Variants in TENM2 observed in about 807,000 individuals in gnomAD.
TENM2 encodes the protein teneurin transmembrane protein 2, also known as teneurin-2.
TENM2 carries 52 observed loss-of-function variants against 245.2 expected under a neutral mutation model. The ratio of observed to expected loss-of-function variants is 0.21; its 90% CI spans 0.17 to 0.27. The LOEUF is 0.27. TENM2 is among the 10% of genes least tolerant of loss of function. The pLI is 1.00. For missense variants in TENM2, 3,046 were observed against 3,666.8 expected (o/e 0.83, Z 4.37); for synonymous variants, 1,363 against 1,438.9 (o/e 0.95, Z 1.19).
intron 2 of TENM2, among the ~76,000 whole-genome samples, chr5:167,755,993 T>G (rs1020930965): frequency 6.6e-6 from 1 of 152,146 alleles, no homozygotes; most frequent in African/African-American, 2.4e-5. Flanking sequence ...GTTGCTCTCA[T>G]TTTATTAGGA....
chr5:167,597,180 T>C (rs1776283255), intron 2 of TENM2, among the ~76,000 whole-genome samples: 1 of 148,034 alleles, frequency 6.8e-6, no homozygotes, highest in African/African-American at 2.5e-5. Flanking sequence ...TTTTTTTTTT[T>C]TTGAGACAAA....
the TENM2 span, among the ~76,000 whole-genome samples, chr5:167,045,108 C>T: frequency 6.6e-6 from 1 of 151,938 alleles, no homozygotes; most frequent in Non-Finnish European, 1.5e-5. Context: ...CAGATGCAAG[C>T]CTGCATTTGA....
At chr5:167,747,111 G>A (rs1761642177) in intron 2 of TENM2, among the ~76,000 whole-genome samples, 1 of 152,136 alleles carries the variant, frequency 6.6e-6, no homozygotes, top group Non-Finnish European at 1.5e-5. Flanking sequence ...TGTGTCAGGA[G>A]CAGAAGGTGA....
At chr5:167,908,090 C>T (rs1183050696) in intron 3 of TENM2, among the ~76,000 whole-genome samples, 1 of 152,068 alleles carries the variant, frequency 6.6e-6, no homozygotes, top group Non-Finnish European at 1.5e-5. Context: ...GAGTTTTTGA[C>T]TAGAGCATTC....
intron 2 of TENM2, among the ~76,000 whole-genome samples, chr5:167,700,504 T>G (rs185755379): frequency 6.6e-6 from 1 of 152,242 alleles, no homozygotes; most frequent in Admixed American, 6.5e-5. Context: ...ATGAGATTGT[T>G]AAACGTTTAA....
the TENM2 span, among the ~76,000 whole-genome samples, chr5:167,080,607 G>A: frequency 6.6e-6 from 1 of 151,766 alleles, no homozygotes; most frequent in African/African-American, 2.4e-5. Flanking sequence ...CTTTCCTCGG[G>A]ATGCTAAAAT....
chr5:167,445,316 T>C (rs1030781996), intron 2 of TENM2, among the ~76,000 whole-genome samples: 1 of 22,674 alleles, frequency 4.4e-5, no homozygotes, highest in African/African-American at 2.2e-4. Context: ...TATGATTATA[T>C]ATATATATAT....
chr5:168,249,900 G>T (rs1766942300), intron 27 of TENM2, among the ~76,000 whole-genome samples: 1 of 152,030 alleles, frequency 6.6e-6, no homozygotes, highest in Non-Finnish European at 1.5e-5. Flanking sequence ...AGAAATTGGT[G>T]AAATAAGAGT....
chr5:167,172,755 C>T, the TENM2 span, among the ~76,000 whole-genome samples: 1 of 151,782 alleles, frequency 6.6e-6, no homozygotes, highest in Middle Eastern at 3.4e-3. Context: ...GCACGATAGG[C>T]ACATTCCACT....
intron 2 of TENM2, among the ~76,000 whole-genome samples, chr5:167,438,447 A>T (rs1388194224): frequency 6.6e-6 from 1 of 152,224 alleles, no homozygotes; most frequent in East Asian, 1.9e-4. Flanking sequence ...GCTGGAGTGC[A>T]GTGGCGCCAT....
intron 2 of TENM2, among the ~76,000 whole-genome samples, 188 bp downstream of exon 4, chr5:167,375,661 G>A (rs1049158928): frequency 6.6e-6 from 1 of 152,184 alleles, no homozygotes; most frequent in African/African-American, 2.4e-5. Context: ...AATGAGAAGA[G>A]AATTTAAAAA....
At chr5:168,261,917 C>T (rs1462600050) in intron 28 of TENM2, 132 bp from the exon 31 acceptor site, 1 of 846,652 alleles carries the variant, frequency 1.2e-6, no homozygotes, top group Non-Finnish European at 1.8e-6. Flanking sequence ...GGTAGGACTC[C>T]CAACAGCTCA....
chr5:167,516,145 A>G (rs181444611), intron 2 of TENM2, among the ~76,000 whole-genome samples: 1 of 152,240 alleles, frequency 6.6e-6, no homozygotes, highest in Non-Finnish European at 1.5e-5. Flanking sequence ...ATTTAGGACA[A>G]TCGAATATAA....
intron 3 of TENM2, among the ~76,000 whole-genome samples, chr5:167,938,321 G>A (rs1190840311): frequency 6.6e-6 from 1 of 152,168 alleles, no homozygotes; most frequent in Non-Finnish European, 1.5e-5. Context: ...ATAAGGCTGG[G>A]GTGAGGAGAG....
chr5:168,245,772 G>T (rs536700503), intron 26 of TENM2, among the ~76,000 whole-genome samples: 3 of 152,176 alleles, frequency 2.0e-5, no homozygotes, highest in African/African-American at 7.2e-5. Context: ...CTGCAAGACA[G>T]AACTGCTGTC....
intron 2 of TENM2, among the ~76,000 whole-genome samples, chr5:167,864,848 CCT>C (rs1350534124): frequency 6.6e-6 from 1 of 152,096 alleles, no homozygotes. Context: ...ATACCTGGTA[CCT>C]CATAAGAGCT....
chr5:167,194,824 C>T, the TENM2 span, among the ~76,000 whole-genome samples: 5 of 151,990 alleles, frequency 3.3e-5, no homozygotes, highest in Admixed American at 1.3e-4. Context: ...CACAAAACCT[C>T]GGAAGGATGG....
intron 2 of TENM2, among the ~76,000 whole-genome samples, chr5:167,542,604 C>T (rs944335915): frequency 3.3e-5 from 5 of 152,158 alleles, no homozygotes; most frequent in African/African-American, 1.2e-4. Flanking sequence ...ATATGAAAAA[C>T]AGTCAGTTGC....
At chr5:168,070,478 C>G (rs1196608167) in intron 7 of TENM2, among the ~76,000 whole-genome samples, 1 of 151,956 alleles carries the variant, frequency 6.6e-6, no homozygotes, top group Non-Finnish European at 1.5e-5. Flanking sequence ...TATCTAAATA[C>G]TTATTTAGAA....
Sources: allele counts gnomAD v4.1 joint callset (sites outside exome capture counted in the v4.1 genomes callset), GRCh38; gene constraint gnomAD v4.1.1; transcripts MANE v1.5; gene names NCBI Gene and HGNC (gene_info 2026-07-23, HGNC 2026-07-21).